SPATA24: variants seen among roughly 807,000 people sequenced by gnomAD.
SPATA24 encodes spermatogenesis-associated protein 24.
SPATA24 carries 21 observed loss-of-function variants against 28.9 expected under a neutral mutation model. That is an observed-to-expected ratio of 0.73 (90% confidence interval 0.52 to 1.05). SPATA24 has a LOEUF of 1.05. Among genes scored for constraint, SPATA24 ranks in the 50% least tolerant of loss-of-function variants. The pLI is 0.00. For synonymous variants in SPATA24, 76 were observed against 89.9 expected, an observed-to-expected ratio of 0.85 and a Z score of 0.88; for missense variants, 215 against 242.9, an observed-to-expected ratio of 0.88 and a Z score of 0.76.
At chr5:139,393,527 G>C, downstream of SPATA24, 1 of 1,551,376 alleles carries the variant, frequency 6.4e-7, no homozygotes, top group Middle Eastern at 1.7e-4. Flanking sequence ...CATGTCTCTT[G>C]GGGAGATGGG....
downstream of SPATA24, chr5:139,395,425 A>C: frequency 3.9e-6 from 1 of 253,640 alleles, no homozygotes. Flanking sequence ...GAGGAAACTG[A>C]AGCCCAGCAG....
rs1160318954 is a variant in SPATA24 at position 139,397,023 on chromosome 5, CG to C, written c.488+17del. 1 of 1,551,488 alleles carries C rather than the reference CG, an allele frequency of 6.4e-7. No individual in the cohort carries two copies. The highest frequency in any genetic ancestry group is 8.7e-7 in the Non-Finnish European group (1 of 1,146,960). ...CCCAGTGTCATCAACAACCCCCAGC[CG>C]GGCCCAGACCCCTCACCTGAAGATC... On this transcript the variant is annotated intron_variant, in intron 5 of 5. Transcript: ENST00000450845.
downstream of SPATA24, chr5:139,393,122 C>T (rs1246688083): frequency 1.3e-6 from 2 of 1,529,272 alleles, no homozygotes; most frequent in Non-Finnish European, 1.8e-6. Context: ...CCGCAGGGGT[C>T]GGCAGGAGGC....
intron 3 of SPATA24, 34 bp from the exon 4 acceptor site, chr5:139,401,859 G>A (rs1260827977): frequency 6.5e-7 from 1 of 1,547,694 alleles, no homozygotes; most frequent in Non-Finnish European, 8.7e-7. Context: ...AGGGTGGGCA[G>A]GCTAGCAAGC....
At chr5:139,402,537 C>T (rs1758848574) in intron 2 of SPATA24, 91 bp downstream of exon 2, 1 of 1,171,488 alleles carries the variant, frequency 8.5e-7, no homozygotes, top group African/African-American at 1.5e-5. Flanking sequence ...GCCACTGCAC[C>T]CATCAGAGGC....
chr5:139,393,375 T>C (rs746808917), downstream of SPATA24: 5 of 1,551,584 alleles, frequency 3.2e-6, no homozygotes, highest in South Asian at 5.9e-5. Flanking sequence ...GATCTGAAAT[T>C]TCCCGCGTGG....
intron 4 of SPATA24, among the ~76,000 whole-genome samples, chr5:139,400,457 C>T (rs960872055): frequency 6.6e-5 from 10 of 151,896 alleles, no homozygotes; most frequent in Non-Finnish European, 1.0e-4. Flanking sequence ...CAGGTGCCCG[C>T]CACTATGCCC....
downstream of SPATA24, chr5:139,396,571 G>A: frequency 4.4e-6 from 6 of 1,353,572 alleles, no homozygotes; most frequent in Non-Finnish European, 4.8e-6. Context: ...ATATTACTGG[G>A]TAACCAGGGC....
In SPATA24 at chr5:139,396,943, G is replaced by A. The variant is rs1051868151; in HGVS notation, c.489-14C>T. 16 of 1,551,514 alleles carry A rather than the reference G, an allele frequency of 1.0e-5. No individual in the cohort carries two copies. The highest frequency in any genetic ancestry group is 5.9e-5 in the Admixed American group (3 of 50,988). Reference sequence around the variant, plus strand: ...GACATGTGATTCCTGCAACGGAGCCGGCTGGTGGTGGGCTGTGGACAGCCA... The same window carrying A: ...GACATGTGATTCCTGCAACGGAGCCAGCTGGTGGTGGGCTGTGGACAGCCA... On this transcript the variant is annotated splice_polypyrimidine_tract_variant and intron_variant, in intron 5 of 5. Transcript: ENST00000450845.
At chr5:139,398,256 G>C (rs995596433) in intron 4 of SPATA24, among the ~76,000 whole-genome samples, 1 of 152,162 alleles carries the variant, frequency 6.6e-6, no homozygotes, top group Non-Finnish European at 1.5e-5. Flanking sequence ...GGTCTGGGGA[G>C]GACCCAGTGA....
Position 139,402,624 on chromosome 5 carries a change from T to G in SPATA24, c.183+4A>C. The G allele has an allele frequency of 6.4e-7, 1 of 1,551,636 alleles. No individual in the cohort carries two copies. Among genetic ancestry groups the G allele is most frequent in the Non-Finnish European group, 8.7e-7 (1 of 1,146,906 alleles). ...ATTAGGAGACCGCAGAGGCCATTAC[T>G]TACCACCAGCTTCTTCTCCACTGCC... On this transcript the variant is annotated splice_donor_region_variant and intron_variant, in intron 2 of 5. Coordinates refer to ENST00000450845, the MANE Select transcript of SPATA24 (RefSeq NM_194296.2).
At chr5:139,400,152 A>G (rs780277066) in intron 4 of SPATA24, among the ~76,000 whole-genome samples, 1 of 152,118 alleles carries the variant, frequency 6.6e-6, no homozygotes, top group Non-Finnish European at 1.5e-5. Flanking sequence ...TAGGGGAGAG[A>G]GAAGGCTGAA....
In SPATA24 at chr5:139,396,898, G is replaced by A. The variant is rs1177048619; in HGVS notation, c.520C>T (p.Gln174Ter). ...NHMSDFRIQK[Q>*]QESYMAQVLD... ...ACCTGGGCCATGTAGCTCTCCTGCT[G>A]CTTCTGGATCCGGAAGTCAGACATG... Residue 174 changes from glutamine (Q) to a stop codon, truncating the protein, a stop_gained, in exon 6 of 6, where the codon CAG becomes TAG. Transcript: ENST00000450845. LOFTEE classifies it high-confidence loss of function. The A allele has an allele frequency of 6.4e-7, 1 of 1,551,562 alleles. No homozygotes were observed. The highest frequency in any genetic ancestry group is 8.7e-7 in the Non-Finnish European group (1 of 1,146,996).
intron 4 of SPATA24, among the ~76,000 whole-genome samples, chr5:139,400,151 G>A (rs1758791573): frequency 6.6e-6 from 1 of 152,134 alleles, no homozygotes; most frequent in Non-Finnish European, 1.5e-5. Flanking sequence ...CTAGGGGAGA[G>A]AGAAGGCTGA....
chr5:139,393,337 G>A (rs1190779662), downstream of SPATA24: 2 of 1,551,244 alleles, frequency 1.3e-6, no homozygotes, highest in East Asian at 2.4e-5. Context: ...TGCTACCTCT[G>A]GGGACTGCTG....
downstream of SPATA24, chr5:139,396,331 C>G (rs1417695994): frequency 1.0e-6 from 1 of 985,348 alleles, no homozygotes; most frequent in Non-Finnish European, 1.2e-6. Flanking sequence ...TAAAACCACA[C>G]ACAGCATTGT....
downstream of SPATA24, chr5:139,396,593 G>A: frequency 7.1e-7 from 1 of 1,404,190 alleles, no homozygotes; most frequent in African/African-American, 1.4e-5. Flanking sequence ...GTTTATATAG[G>A]AAGGGATTAA....
downstream of SPATA24, chr5:139,395,284 C>A: frequency 2.3e-6 from 1 of 439,526 alleles, no homozygotes; most frequent in Middle Eastern, 6.0e-4. Context: ...CAACTAACCC[C>A]CTTCTCAGGC....
chr5:139,402,142 C>T, intron 2 of SPATA24, 97 bp from the exon 3 acceptor site: 1 of 1,436,694 alleles, frequency 7.0e-7, no homozygotes. Flanking sequence ...CACACAGAAG[C>T]CAGAGCACAG....
Sources: gnomAD v4.1 joint callset for allele counts (sites outside exome capture counted in the v4.1 genomes callset) on GRCh38, gnomAD v4.1.1 for gene constraint, MANE v1.5 for transcripts, NCBI Gene and HGNC (gene_info 2026-07-23, HGNC 2026-07-21) for gene names.